The following GPC6 variants were observed in gnomAD, a reference collection of about 807,000 sequenced individuals.
GPC6 encodes the protein glypican-6.
In GPC6, 14 loss-of-function variants were observed where a neutral mutation model predicts 55.2. That is an observed-to-expected ratio of 0.25 (90% confidence interval 0.17 to 0.40). The LOEUF is 0.40. Ranked by LOEUF, GPC6 falls within the 10% of genes least tolerant of loss-of-function variation. The pLI is 1.00. For missense variants in GPC6, 641 were observed against 708.5 expected (o/e 0.90, Z 1.08); for synonymous variants, 278 against 259.6 (o/e 1.07, Z -0.68).
chr13:94,313,998 T>C (rs1450298574), intron 6 of GPC6, among the ~76,000 whole-genome samples: 2 of 152,238 alleles, frequency 1.3e-5, no homozygotes, highest in Non-Finnish European at 2.9e-5. Flanking sequence ...AATCTATCAA[T>C]AAATTATTGA....
chr13:93,323,504 C>G (rs1879531537), intron 1 of GPC6, among the ~76,000 whole-genome samples: 2 of 152,058 alleles, frequency 1.3e-5, no homozygotes, highest in African/African-American at 2.4e-5. Context: ...TAGGTTATGC[C>G]TCAGTTGCCA....
chr13:94,127,415 G>A (rs1406265808), intron 4 of GPC6, among the ~76,000 whole-genome samples: 1 of 151,928 alleles, frequency 6.6e-6, no homozygotes, highest in African/African-American at 2.4e-5. Flanking sequence ...TCCTACTTTC[G>A]CCATGTGATG....
chr13:94,373,055 C>T (rs1484795255), intron 6 of GPC6, among the ~76,000 whole-genome samples: 1 of 152,166 alleles, frequency 6.6e-6, no homozygotes, highest in Non-Finnish European at 1.5e-5. Context: ...ACACCAAAAC[C>T]CCATCTGTAC....
At chr13:94,239,769 C>T (rs1262072950) in intron 4 of GPC6, among the ~76,000 whole-genome samples, 1 of 152,078 alleles carries the variant, frequency 6.6e-6, no homozygotes, top group East Asian at 1.9e-4. Flanking sequence ...GAATTCTATA[C>T]AATATCTAGA....
At chr13:93,934,031 C>A (rs2140357107) in intron 3 of GPC6, among the ~76,000 whole-genome samples, 1 of 152,306 alleles carries the variant, frequency 6.6e-6, no homozygotes, top group Admixed American at 6.5e-5. Flanking sequence ...TTCTGGCTAT[C>A]ATAATATTCC....
intron 4 of GPC6, among the ~76,000 whole-genome samples, chr13:94,054,955 C>T (rs1884080244): frequency 1.3e-5 from 2 of 151,326 alleles, no homozygotes; most frequent in African/African-American, 2.5e-5. Flanking sequence ...CACACATCCA[C>T]ACCTAAAAAA....
At chr13:93,385,598 A>G (rs1875365815) in intron 1 of GPC6, among the ~76,000 whole-genome samples, 1 of 152,092 alleles carries the variant, frequency 6.6e-6, no homozygotes, top group African/African-American at 2.4e-5. Context: ...CTCATGTTTA[A>G]CTCGACAATC....
chr13:94,293,391 G>T (rs116504246), intron 5 of GPC6, among the ~76,000 whole-genome samples: 3,245 of 152,226 alleles, frequency 0.021, 108 homozygotes, highest in African/African-American at 0.07. Flanking sequence ...TTACATAAGT[G>T]TTTGACAGTT....
At chr13:93,365,245 C>T (rs964400450) in intron 1 of GPC6, among the ~76,000 whole-genome samples, 3 of 152,032 alleles carry the variant, frequency 2.0e-5, no homozygotes, top group African/African-American at 7.2e-5. Flanking sequence ...GATATAAGTA[C>T]GTGGCATTTT....
At chr13:94,195,340 C>T (rs960668003) in intron 4 of GPC6, among the ~76,000 whole-genome samples, 99 of 152,058 alleles carry the variant, frequency 6.5e-4, no homozygotes, top group African/African-American at 2.3e-3. Context: ...CCAAGGACAT[C>T]ACTTGGATTA....
chr13:93,449,258 A>G lies in GPC6; in HGVS notation c.161-96005A>G, dbSNP rs572122773. On this transcript the variant is annotated intron_variant, in intron 1 of 8. Coordinates refer to ENST00000377047, the MANE Select transcript of GPC6 (RefSeq NM_005708.5). ...GAAAGACTAGGAAAAGGAGGAAGTC[A>G]ACCACCACACATTAAGGGATGGGTT... Among the ~76,000 whole-genome samples the G allele has an allele frequency of 2.0e-5, 3 of 152,340 alleles. No individual in the cohort carries two copies. In the South Asian group the frequency reaches 6.2e-4, roughly 32 times the overall value.
chr13:93,362,823 T>G (rs988534743), intron 1 of GPC6, among the ~76,000 whole-genome samples: 12 of 152,192 alleles, frequency 7.9e-5, no homozygotes, highest in African/African-American at 2.9e-4. Flanking sequence ...AAAGGAGTAC[T>G]CAAGTGGTTG....
intron 5 of GPC6, among the ~76,000 whole-genome samples, chr13:94,295,345 T>C (rs543699044): frequency 6.6e-4 from 101 of 152,312 alleles, no homozygotes; most frequent in African/African-American, 2.3e-3. Flanking sequence ...TAATTGCTAT[T>C]ATTAAAAATA....
intron 1 of GPC6, among the ~76,000 whole-genome samples, chr13:93,441,292 C>T (rs1210584756): frequency 6.6e-6 from 1 of 152,168 alleles, no homozygotes; most frequent in African/African-American, 2.4e-5. Flanking sequence ...AATGGTTGAA[C>T]TAGTTTACAG....
intron 5 of GPC6, among the ~76,000 whole-genome samples, chr13:94,299,432 T>A (rs1875523272): frequency 6.6e-6 from 1 of 152,220 alleles, no homozygotes; most frequent in Non-Finnish European, 1.5e-5. Context: ...TGAATGTATG[T>A]GTCTCTCCAA....
At chr13:94,274,156 A>G (rs1892130192) in intron 4 of GPC6, among the ~76,000 whole-genome samples, 1 of 152,226 alleles carries the variant, frequency 6.6e-6, no homozygotes, top group African/African-American at 2.4e-5. Context: ...TGAATCCTGT[A>G]GATTCTAATT....
intron 3 of GPC6, among the ~76,000 whole-genome samples, chr13:93,968,003 T>A (rs1880122666): frequency 6.6e-6 from 1 of 152,172 alleles, no homozygotes; most frequent in Admixed American, 6.5e-5. Context: ...TTTCTAGAAA[T>A]GCTTATGAAC....
At chr13:94,157,127 G>A (rs618895) in intron 4 of GPC6, among the ~76,000 whole-genome samples, 90,764 of 152,006 alleles carry the variant, frequency 0.6, 28,400 homozygotes, top group Non-Finnish European at 0.68. Flanking sequence ...CTGAAGCTCC[G>A]TTCTGCCCCT....
chr13:93,550,929 C>T (rs556374142), intron 2 of GPC6, among the ~76,000 whole-genome samples: 155 of 151,988 alleles, frequency 1.0e-3, no homozygotes, highest in Non-Finnish European at 1.7e-3. Context: ...AAGGAGTTTA[C>T]GTTTTGGGGG....
Sources: gnomAD v4.1 joint callset for allele counts (sites outside exome capture counted in the v4.1 genomes callset) on GRCh38, gnomAD v4.1.1 for gene constraint, MANE v1.5 for transcripts, NCBI Gene and HGNC (gene_info 2026-07-23, HGNC 2026-07-21) for gene names.